The following PPEF2 variants were observed in gnomAD, a reference collection of about 807,000 sequenced individuals.
The protein encoded by PPEF2 is protein phosphatase with EF-hand domain 2, also known as serine/threonine-protein phosphatase with EF-hands 2.
In PPEF2, 84 loss-of-function variants were observed where a neutral mutation model predicts 84.7. The observed-to-expected ratio is 0.99, with a 90% CI of 0.83 to 1.19. The LOEUF (loss-of-function observed/expected upper bound fraction) is 1.19. PPEF2 is among the 50% of genes most tolerant of loss of function. PPEF2 has a pLI of 0.00. For synonymous variants in PPEF2, 346 were observed against 345.2 expected (o/e 1.00, Z -0.03); for missense variants, 924 against 937.5 (o/e 0.99, Z 0.19).
At chr4:75,876,216 G>A in intron 11 of PPEF2, 71 bp downstream of exon 11, 4 of 1,504,204 alleles carry the variant, frequency 2.7e-6, no homozygotes, top group Non-Finnish European at 3.5e-6. Context: ...CATATCCTGA[G>A]TTTCCCTGGA....
intron 2 of PPEF2, among the ~76,000 whole-genome samples, chr4:75,895,126 A>ATTT (rs1724977945): frequency 1.1e-5 from 1 of 92,948 alleles, no homozygotes; most frequent in African/African-American, 3.9e-5. Flanking sequence ...CCAGCTAATT[A>ATTT]ATTTTTTTTT....
In PPEF2 at chr4:75,866,315, C is replaced by T. The variant is rs1409080885; in HGVS notation, c.1794G>A (p.Glu598=). The T allele has an allele frequency of 6.2e-7, 1 of 1,613,940 alleles. No homozygotes were observed. Among genetic ancestry groups the T allele is most frequent in the African/African-American group, 1.3e-5 (1 of 74,924 alleles). ...ITLSDWAAAV[E]SVLHLGLPWR... Reference sequence around the variant, plus strand: ...ATGGCAGTCCTAGGTGCAACACAGACTCCACCGCTGCTGCCCAGTCACTCA... The same window carrying T: ...ATGGCAGTCCTAGGTGCAACACAGATTCCACCGCTGCTGCCCAGTCACTCA... The change falls in exon 15 of 17, where the codon GAG becomes GAA. Residue 598 remains glutamate, a synonymous_variant. Coordinates refer to ENST00000286719, the MANE Select transcript of PPEF2 (RefSeq NM_006239.3).
rs1189685904 is a variant in PPEF2 at position 75,891,862 on chromosome 4, C to T, written c.172G>A (p.Asp58Asn). The change falls in exon 3 of 17, where the codon GAC (aspartate) becomes AAC (asparagine). Residue 58 changes from aspartate (D) to asparagine (N), a missense_variant. Asp to Asn is a conservative substitution (Grantham distance 23, BLOSUM62 1). Transcript: ENST00000286719. ...ACATCTCATTGTACCTTGACTTGGT[C>T]TTGCTGCCCAGCATATTCTATAGAC... Reference protein sequence around the residue: ...FQSIEYAGQQDQVKLHDFFSY... With the variant: ...FQSIEYAGQQNQVKLHDFFSY... 6.2e-7 allele frequency: 1 copy of T among 1,612,150 alleles called. No homozygotes were observed. The highest frequency in any genetic ancestry group is 8.5e-7 in the Non-Finnish European group (1 of 1,178,344).
intron 4 of PPEF2, among the ~76,000 whole-genome samples, chr4:75,890,488 CAAA>C (rs10710879): frequency 4.0e-4 from 50 of 124,560 alleles, no homozygotes; most frequent in Admixed American, 5.7e-4. Flanking sequence ...GACCCTGTCT[CAAA>C]AAAAAAAAAA....
chr4:75,882,466 T>C (rs1030501895), intron 10 of PPEF2, among the ~76,000 whole-genome samples: 2 of 151,958 alleles, frequency 1.3e-5, no homozygotes, highest in African/African-American at 4.8e-5. Flanking sequence ...TACTCCCCAC[T>C]GGCATGTACA....
intron 10 of PPEF2, among the ~76,000 whole-genome samples, chr4:75,880,786 A>AC (rs1197984108): frequency 2.1e-5 from 3 of 146,164 alleles, no homozygotes; most frequent in Non-Finnish European, 3.0e-5. Context: ...ACATAGTGAG[A>AC]CCCCATCCCT....
intron 1 of PPEF2, among the ~76,000 whole-genome samples, chr4:75,898,763 T>A (rs1225699655): frequency 6.6e-6 from 1 of 152,214 alleles, no homozygotes; most frequent in African/African-American, 2.4e-5. Flanking sequence ...ATTTATGGGA[T>A]ACAATGTGAT....
chr4:75,882,652 C>T (rs1340349148), intron 10 of PPEF2: 7 of 282,604 alleles, frequency 2.5e-5, no homozygotes, highest in Non-Finnish European at 1.3e-5. Flanking sequence ...CCCATGCCAC[C>T]ACTCCCAGCT....
intron 10 of PPEF2, among the ~76,000 whole-genome samples, chr4:75,877,006 A>AAAAGAAAGAAAGAAAGAAAGAAAG (rs71657381): frequency 0.051 from 2,741 of 53,638 alleles, 814 homozygotes; most frequent in Non-Finnish European, 0.093. Context: ...AGACCCTGAA[A>AAAAGAAAGAAAGAAAGAAAGAAAG]AAAGAAAGAA....
intron 13 of PPEF2, among the ~76,000 whole-genome samples, chr4:75,869,783 G>A (rs1408492796): frequency 6.6e-6 from 1 of 152,092 alleles, no homozygotes. Flanking sequence ...GCAGGTCGAG[G>A]CTGCAGTGAT....
At chr4:75,865,873 C>G (rs1578000643) in intron 15 of PPEF2, among the ~76,000 whole-genome samples, 1 of 152,182 alleles carries the variant, frequency 6.6e-6, no homozygotes, top group South Asian at 2.1e-4. Context: ...TGAGGTAAGA[C>G]AGACCTTGGC....
chr4:75,884,424 C>CAAAA (rs34238193), intron 8 of PPEF2, among the ~76,000 whole-genome samples, 170 bp downstream of exon 8: 1 of 144,292 alleles, frequency 6.9e-6, no homozygotes, highest in East Asian at 2.0e-4. Context: ...AGACTCTCTC[C>CAAAA]AAAAAAAAAA....
intron 2 of PPEF2, among the ~76,000 whole-genome samples, chr4:75,892,835 CTTT>C (rs976167688): frequency 6.6e-6 from 1 of 152,182 alleles, no homozygotes; most frequent in African/African-American, 2.4e-5. Context: ...TAACTAGATT[CTTT>C]TTAAGCTCCA....
At chr4:75,889,923 T>C (rs756981945) in intron 5 of PPEF2, 34 bp downstream of exon 5, 7 of 1,608,428 alleles carry the variant, frequency 4.4e-6, no homozygotes, top group Non-Finnish European at 6.0e-6. Flanking sequence ...TTTCATGGAG[T>C]TGGTAGTGAC....
chr4:75,902,089 T>C (rs1359723082), intron 1 of PPEF2, 141 bp downstream of exon 1: 1 of 152,246 alleles, frequency 6.6e-6, no homozygotes, highest in East Asian at 1.9e-4. Flanking sequence ...AGACCCCATC[T>C]GGATGAGTTG....
intron 1 of PPEF2, among the ~76,000 whole-genome samples, chr4:75,899,225 C>T (rs1725069843): frequency 6.6e-6 from 1 of 152,168 alleles, no homozygotes; most frequent in Non-Finnish European, 1.5e-5. Context: ...TTCCACTGTA[C>T]ATATATACTA....
At chr4:75,899,701 A>G (rs1383575869) in intron 1 of PPEF2, among the ~76,000 whole-genome samples, 1 of 152,200 alleles carries the variant, frequency 6.6e-6, no homozygotes, top group South Asian at 2.1e-4. Flanking sequence ...TTTGTGTGCA[A>G]AATGGTTCCT....
At chr4:75,864,052 T>C (rs1246540293) in intron 16 of PPEF2, among the ~76,000 whole-genome samples, 2 of 151,882 alleles carry the variant, frequency 1.3e-5, no homozygotes, top group African/African-American at 4.8e-5. Context: ...TTTGTGTTTT[T>C]AGTAGAGACT....
At chr4:75,888,390 C>T (rs989185505) in intron 5 of PPEF2, 62 bp from the exon 6 acceptor site, 31 of 1,298,850 alleles carry the variant, frequency 2.4e-5, no homozygotes, top group Non-Finnish European at 5.6e-6. Flanking sequence ...GGAAAATGGT[C>T]CTTACCTTTA....
Sources: gnomAD v4.1 joint callset for allele counts (sites outside exome capture counted in the v4.1 genomes callset) on GRCh38, gnomAD v4.1.1 for gene constraint, MANE v1.5 for transcripts, NCBI Gene and HGNC (gene_info 2026-07-23, HGNC 2026-07-21) for gene names.